Variants in CCDC146 observed in about 807,000 individuals in gnomAD.
CCDC146 encodes the protein coiled-coil domain containing 146.
CCDC146 carries 92 observed loss-of-function variants against 119.3 expected under a neutral mutation model. That is an observed-to-expected ratio of 0.77 (90% confidence interval 0.65 to 0.92). CCDC146 has a LOEUF of 0.92. CCDC146 is among the 40% of genes least tolerant of loss of function. CCDC146 has a pLI of 0.00. For missense variants in CCDC146, 1,000 were observed against 1,103.0 expected, an observed-to-expected ratio of 0.91 and a Z score of 1.32; for synonymous variants, 372 against 371.8, an observed-to-expected ratio of 1.00 and a Z score of -0.01.
intron 1 of CCDC146, among the ~76,000 whole-genome samples, chr7:77,133,977 G>A (rs1584014645): frequency 1.3e-5 from 2 of 151,992 alleles, no homozygotes; most frequent in South Asian, 4.1e-4. Context: ...TCGTCCCTTG[G>A]TATCTGTGGA....
chr7:77,237,802 G>C (rs1792765928), intron 3 of CCDC146, among the ~76,000 whole-genome samples: 1 of 152,198 alleles, frequency 6.6e-6, no homozygotes, highest in African/African-American at 2.4e-5. Context: ...AATTAAGAGG[G>C]CAGGGGAGTG....
intron 11 of CCDC146, 83 bp downstream of exon 11, chr7:77,274,735 G>T: frequency 9.3e-7 from 1 of 1,070,550 alleles, no homozygotes. Flanking sequence ...ATTAGGACAT[G>T]GATGAAGCTA....
Position 77,198,309 on chromosome 7 carries a change from A to G in CCDC146, c.156+30485A>G, listed in dbSNP as rs545063447. ...ATCTCCGCCCTGTCCTTTCAACCTC[A>G]CGTTCATGGTAAGTAGAGGTCCAAA... is the stretch of plus-strand genomic sequence containing the variant. On this transcript the variant is annotated intron_variant, in intron 2 of 18. Transcript: ENST00000285871. The G allele has an allele frequency of 5.1e-6, 5 of 985,322 alleles. No homozygotes were observed. In the East Asian group the frequency reaches 5.7e-4, roughly 112 times the overall value. 61.0% of individuals were successfully genotyped at this position (985,322 alleles called of 1,614,324 possible).
At chr7:77,190,394 TA>T (rs1402921736) in intron 2 of CCDC146, among the ~76,000 whole-genome samples, 6 of 152,252 alleles carry the variant, frequency 3.9e-5, no homozygotes, top group Non-Finnish European at 7.3e-5. Context: ...TCTGCTGATA[TA>T]AGTTAGCAAA....
chr7:77,163,464 A>G (rs1337171508), intron 1 of CCDC146, among the ~76,000 whole-genome samples: 2 of 152,096 alleles, frequency 1.3e-5, no homozygotes, highest in Non-Finnish European at 2.9e-5. Context: ...AAAAATACAC[A>G]TATATACGTA....
At chr7:77,270,384 T>C (rs1793488480) in intron 9 of CCDC146, among the ~76,000 whole-genome samples, 1 of 152,102 alleles carries the variant, frequency 6.6e-6, no homozygotes, top group Non-Finnish European at 1.5e-5. Flanking sequence ...AAATACATTT[T>C]TAAATGTGAA....
chr7:77,136,395 A>G (rs1176366785), intron 1 of CCDC146, among the ~76,000 whole-genome samples: 2 of 152,202 alleles, frequency 1.3e-5, no homozygotes, highest in East Asian at 1.9e-4. Context: ...AGGCTGATTA[A>G]GAAAAAAGAC....
intron 1 of CCDC146, among the ~76,000 whole-genome samples, chr7:77,141,043 A>G (rs1237404637): frequency 6.6e-6 from 1 of 151,932 alleles, no homozygotes; most frequent in East Asian, 1.9e-4. Context: ...TACATTAGGT[A>G]TTTCTCCTAA....
At chr7:77,139,173 A>G (rs910214821) in intron 1 of CCDC146, among the ~76,000 whole-genome samples, 1 of 152,268 alleles carries the variant, frequency 6.6e-6, no homozygotes, top group Non-Finnish European at 1.5e-5. Context: ...AATATTATTC[A>G]GCAATAAAAA....
chr7:77,228,595 T>C (rs1235279722), intron 2 of CCDC146, among the ~76,000 whole-genome samples: 1 of 152,236 alleles, frequency 6.6e-6, no homozygotes, highest in Non-Finnish European at 1.5e-5. Context: ...GTCTTTGCTA[T>C]TGTGAATAGT....
intron 9 of CCDC146, 110 bp from the exon 10 acceptor site, chr7:77,273,584 G>A (rs1217976210): frequency 6.9e-5 from 41 of 590,266 alleles, no homozygotes; most frequent in African/African-American, 2.1e-4. Flanking sequence ...GCAGTGGCAC[G>A]ATCTCAGCTC....
intron 16 of CCDC146, 176 bp downstream of exon 16, chr7:77,287,102 C>A: frequency 2.7e-6 from 2 of 752,136 alleles, no homozygotes; most frequent in Non-Finnish European, 4.2e-6. Flanking sequence ...AGACACTTGC[C>A]AAAAGAAGTT....
intron 9 of CCDC146, among the ~76,000 whole-genome samples, chr7:77,267,592 A>T (rs1793432203): frequency 6.6e-6 from 1 of 151,906 alleles, no homozygotes; most frequent in African/African-American, 2.4e-5. Context: ...GTTCATCACA[A>T]ATACATTTCT....
intron 9 of CCDC146, among the ~76,000 whole-genome samples, chr7:77,271,172 G>A (rs1473922037): frequency 6.6e-6 from 1 of 151,972 alleles, no homozygotes; most frequent in Admixed American, 6.6e-5. Flanking sequence ...GTTGCCAAAG[G>A]AGATGAACCT....
At chr7:77,135,851 A>C (rs1790854255) in intron 1 of CCDC146, among the ~76,000 whole-genome samples, 1 of 152,252 alleles carries the variant, frequency 6.6e-6, no homozygotes, top group Admixed American at 6.5e-5. Flanking sequence ...TAATCAAAAG[A>C]AAGCAGAAGT....
chr7:77,279,862 G>A (rs1793730962), intron 13 of CCDC146, among the ~76,000 whole-genome samples: 1 of 152,300 alleles, frequency 6.6e-6, no homozygotes, highest in African/African-American at 2.4e-5. Context: ...TACACGATCA[G>A]GGTATAATCT....
chr7:77,127,383 T>G (rs934886259), intron 1 of CCDC146, among the ~76,000 whole-genome samples: 46 of 152,118 alleles, frequency 3.0e-4, no homozygotes, highest in African/African-American at 4.8e-5. Context: ...GGCTCCTGAC[T>G]GCCCCATGGA....
intron 6 of CCDC146, among the ~76,000 whole-genome samples, chr7:77,257,430 A>G (rs893060188): frequency 2.6e-5 from 4 of 152,166 alleles, no homozygotes; most frequent in Non-Finnish European, 5.9e-5. Flanking sequence ...TAACAGTCCT[A>G]GAGCAGACAG....
At chr7:77,177,791 C>T (rs1233908483) in intron 2 of CCDC146, among the ~76,000 whole-genome samples, 1 of 152,102 alleles carries the variant, frequency 6.6e-6, no homozygotes, top group Non-Finnish European at 1.5e-5. Context: ...GGCATGTTTT[C>T]GCTTTTCCTT....
Sources: gnomAD v4.1 joint callset for allele counts (sites outside exome capture counted in the v4.1 genomes callset) on GRCh38, gnomAD v4.1.1 for gene constraint, MANE v1.5 for transcripts, NCBI Gene and HGNC (gene_info 2026-07-23, HGNC 2026-07-21) for gene names.